CEP170: variants seen among roughly 807,000 people sequenced by gnomAD.
CEP170 encodes the protein centrosomal protein of 170 kDa.
Under a neutral mutation model 151.9 loss-of-function variants are expected in CEP170, and 21 were observed. The observed-to-expected ratio is 0.14, with a 90% CI of 0.10 to 0.20. The LOEUF (loss-of-function observed/expected upper bound fraction) is 0.20, where lower values mean the gene tolerates loss of function less well. Among genes scored for constraint, CEP170 ranks in the 10% least tolerant of loss-of-function variants. The pLI is 1.00. For missense variants in CEP170, 964 were observed against 1,892.9 expected (o/e 0.51, Z 9.11); for synonymous variants, 356 against 648.8 (o/e 0.55, Z 6.86).
At chr1:243,232,185 G>A (rs189100963) in intron 1 of CEP170, among the ~76,000 whole-genome samples, 165 of 152,060 alleles carry the variant, frequency 1.1e-3, no homozygotes, top group Middle Eastern at 0.01. Flanking sequence ...GGCTGGTCTT[G>A]AACTCATGAG....
At chr1:243,206,705 T>C (rs2061442912) in intron 4 of CEP170, among the ~76,000 whole-genome samples, 1 of 152,352 alleles carries the variant, frequency 6.6e-6, no homozygotes, top group East Asian at 1.9e-4. Context: ...TAAACCTCTT[T>C]AAATGACAAT....
At chr1:243,234,858 T>C (rs1211182270) in intron 1 of CEP170, among the ~76,000 whole-genome samples, 1 of 152,150 alleles carries the variant, frequency 6.6e-6, no homozygotes, top group Non-Finnish European at 1.5e-5. Flanking sequence ...TAAAAGCAAA[T>C]GGTTTTATTC....
chr1:243,249,443 A>G (rs1417508360), intron 1 of CEP170, among the ~76,000 whole-genome samples: 1 of 143,496 alleles, frequency 7.0e-6, no homozygotes, highest in Non-Finnish European at 1.5e-5. Flanking sequence ...ATAAATAAAT[A>G]AATAAATAAA....
chr1:243,190,807 T>C (rs1031390615), intron 8 of CEP170, among the ~76,000 whole-genome samples: 2 of 152,168 alleles, frequency 1.3e-5, no homozygotes, highest in African/African-American at 4.8e-5. Flanking sequence ...AAAACCAATC[T>C]GGTTTTGTCA....
chr1:243,176,776 T>A (rs2059282288), intron 10 of CEP170: 6 of 389,298 alleles, frequency 1.5e-5, no homozygotes, highest in South Asian at 1.2e-4. Context: ...TTGAGGAGGT[T>A]ACGTCTGATA....
intron 2 of CEP170, among the ~76,000 whole-genome samples, chr1:243,224,605 G>A (rs2063083910): frequency 6.6e-6 from 1 of 152,136 alleles, no homozygotes; most frequent in Non-Finnish European, 1.5e-5. Flanking sequence ...TCCTCCATCT[G>A]ATTCTTACCC....
chr1:243,182,397 C>A (rs1364125573), intron 10 of CEP170, among the ~76,000 whole-genome samples: 1 of 152,096 alleles, frequency 6.6e-6, no homozygotes, highest in East Asian at 1.9e-4. Flanking sequence ...TCTAATAATT[C>A]CCAGATCTGT....
chr1:243,226,198 GAT>G (rs1226236848), intron 1 of CEP170, among the ~76,000 whole-genome samples: 13 of 2,442 alleles, frequency 5.3e-3, no homozygotes, highest in Non-Finnish European at 0.01. Context: ...TATATATCTA[GAT>G]ATATATATAT....
Position 243,199,165 on chromosome 1 carries a change from A to G in CEP170, c.526T>C (p.Leu176=), listed in dbSNP as rs1240427230. The G allele has an allele frequency of 6.2e-7, 1 of 1,611,742 alleles. No homozygotes were observed. Residue 176 remains leucine, a synonymous_variant, in exon 7 of 20, where the codon TTA becomes CTA. Coordinates refer to ENST00000366542, the MANE Select transcript of CEP170 (RefSeq NM_014812.3). The part of the protein sequence containing the change: ...DISAMPRGTP[L]YGQPSWWGDD... ...CCCCACCATGACGGCTGCCCATATA[A>G]TGGAGTACCACGGGGCATAGCAGAA...
At chr1:243,242,470 G>A (rs185195490) in intron 1 of CEP170, among the ~76,000 whole-genome samples, 3 of 151,354 alleles carry the variant, frequency 2.0e-5, no homozygotes, top group Non-Finnish European at 2.9e-5. Flanking sequence ...TACCTGCCTC[G>A]GCCTCCCAAA....
At chr1:243,207,625 T>C (rs1259385049) in intron 4 of CEP170, among the ~76,000 whole-genome samples, 2 of 151,606 alleles carry the variant, frequency 1.3e-5, no homozygotes, top group Non-Finnish European at 2.9e-5. Context: ...AGATAGAACA[T>C]ATTCTGGGCC....
intron 1 of CEP170, among the ~76,000 whole-genome samples, chr1:243,243,775 C>A (rs1274941136): frequency 6.6e-6 from 1 of 152,110 alleles, no homozygotes; most frequent in African/African-American, 2.4e-5. Context: ...ATCCGCCTAC[C>A]TCAGCCTCCC....
chr1:243,164,340 G>C lies in CEP170; in HGVS notation c.3620C>G (p.Ser1207Cys). ...TTTGACCTTGGAGTCTGAGAGTCGA[G>C]AGATACTGTTAGCTCTAATTCTAGG... is the stretch of plus-strand genomic sequence containing the variant. ...FSPRIRANSI[S>C]RLSDSKVKSM... Residue 1207 changes from serine to cysteine, a missense_variant, in exon 13 of 20, where the codon TCT (serine) becomes TGT (cysteine). Physicochemically the swap from Ser to Cys is moderately radical, Grantham distance 112 (BLOSUM62 -1). Transcript: ENST00000366542. The C allele has an allele frequency of 6.5e-7, 1 of 1,530,848 alleles. No homozygotes were observed. The highest frequency in any genetic ancestry group is 8.8e-7 in the Non-Finnish European group (1 of 1,139,000). 94.8% of individuals were successfully genotyped at this position (1,530,848 alleles called of 1,614,324 possible).
chr1:243,189,886 T>C (rs954491654), intron 8 of CEP170, among the ~76,000 whole-genome samples: 2 of 152,176 alleles, frequency 1.3e-5, no homozygotes, highest in African/African-American at 4.8e-5. Context: ...CACAATCATG[T>C]CTCAAAAATA....
chr1:243,135,297 C>T (rs1467185548), intron 17 of CEP170, among the ~76,000 whole-genome samples: 2 of 152,078 alleles, frequency 1.3e-5, no homozygotes, highest in Non-Finnish European at 2.9e-5. Flanking sequence ...AGCTCTGCCT[C>T]CCGGGTTCAC....
At chr1:243,252,151 T>C (rs2065993177) in intron 1 of CEP170, among the ~76,000 whole-genome samples, 1 of 152,198 alleles carries the variant, frequency 6.6e-6, no homozygotes, top group Non-Finnish European at 1.5e-5. Flanking sequence ...CAGTCAATAC[T>C]ATCTACTCAC....
chr1:243,150,416 C>T lies in CEP170; in HGVS notation c.3911+5805G>A, dbSNP rs189138310. On this transcript the variant is annotated intron_variant, in intron 14 of 19. Transcript: ENST00000366542. ...TCCGCCTGCCTTGGCCTCCCAAGTGCTGGGATTACAGGCGTGAGCCACCCC... is the reference window on the plus strand; with the variant it reads ...TCCGCCTGCCTTGGCCTCCCAAGTGTTGGGATTACAGGCGTGAGCCACCCC... Among the ~76,000 whole-genome samples the T allele has an allele frequency of 8.8e-3, 1,346 of 152,318 alleles. 19 individuals carry two copies. Among genetic ancestry groups the T allele is most frequent in the African/African-American group, 0.031 (1,298 of 41,566 alleles).
intron 4 of CEP170, among the ~76,000 whole-genome samples, chr1:243,202,704 G>C (rs1179726944): frequency 6.6e-6 from 1 of 151,940 alleles, no homozygotes; most frequent in Non-Finnish European, 1.5e-5. Context: ...TAAAAACTTT[G>C]CTTTAAATAT....
chr1:243,172,300 A>G (rs537820036), intron 11 of CEP170, among the ~76,000 whole-genome samples: 88 of 152,250 alleles, frequency 5.8e-4, no homozygotes, highest in Non-Finnish European at 7.6e-4. Context: ...GCATTTTACA[A>G]GGAGATACAT....
Sources: allele counts gnomAD v4.1 joint callset (sites outside exome capture counted in the v4.1 genomes callset), GRCh38; gene constraint gnomAD v4.1.1; transcripts MANE v1.5; gene names NCBI Gene and HGNC (gene_info 2026-07-23, HGNC 2026-07-21).